Variants in UNC13B observed in about 807,000 individuals in gnomAD.
The protein encoded by UNC13B is protein unc-13 homolog B.
A neutral mutation model predicts 211.0 loss-of-function variants in UNC13B; 144 were observed. The observed-to-expected ratio is 0.68, with a 90% CI of 0.60 to 0.78. The LOEUF (loss-of-function observed/expected upper bound fraction) is 0.78. Among genes scored for constraint, UNC13B ranks in the 30% least tolerant of loss-of-function variants. UNC13B has a pLI of 0.00. For synonymous variants in UNC13B, 709 were observed against 725.8 expected (o/e 0.98, Z 0.37); for missense variants, 1,777 against 2,002.0 (o/e 0.89, Z 2.14).
rs866735803 is a variant in UNC13B, at chr9:35,389,848, G to A, written c.11097G>A (p.Lys3699=). Residue 3699 remains lysine (K), a splice_region_variant and synonymous_variant, in exon 25 of 40, where the codon AAG becomes AAA. Transcript: ENST00000635942. ...CTCACTGTGTCCTCTGGATCAAGAA[G>A]CAGGAGCTACCTCCAGAGGAACAAG... ...HDLYSRQYQL[K]QELPPEEQGP... 5.6e-6 allele frequency: 9 copies of A among 1,614,062 alleles called. 1 individual carries two copies. In the Middle Eastern group the frequency reaches 1.5e-3, roughly 267 times the overall value.
At chr9:35,235,368 G>GA (rs1245967787) in intron 3 of UNC13B, among the ~76,000 whole-genome samples, 3 of 152,124 alleles carry the variant, frequency 2.0e-5, no homozygotes, top group Non-Finnish European at 2.9e-5. Flanking sequence ...ACTTGCCTGT[G>GA]ACCACATGTT....
chr9:35,346,485 G>A (rs1235520953), intron 11 of UNC13B, among the ~76,000 whole-genome samples: 1 of 152,162 alleles, frequency 6.6e-6, no homozygotes, highest in African/African-American at 2.4e-5. Flanking sequence ...TGGTAGGCTG[G>A]TGGTGATGCA....
In UNC13B at chr9:35,291,233, G is replaced by A. The variant is rs563331649; in HGVS notation, c.527-4463G>A. The A allele has an allele frequency of 2.6e-5, 23 of 891,126 alleles. No individual in the cohort carries two copies. In the African/African-American group the frequency reaches 2.9e-4, roughly 11 times the overall value. The allele number at this position is 891,126 out of a possible 1,614,324, so 55.2% of individuals were successfully genotyped here. ...CCCTCTCCTCTCCTACTTAAATATC[G>A]GGAGACAATGACCTGTGGTGGAATG... On this transcript the variant is annotated intron_variant, in intron 7 of 39. Transcript: ENST00000635942.
chr9:35,240,047 G>A (rs144097081), intron 5 of UNC13B, among the ~76,000 whole-genome samples: 316 of 152,284 alleles, frequency 2.1e-3, no homozygotes, highest in Middle Eastern at 3.4e-3. Flanking sequence ...AGGAAATCTC[G>A]AGTATTGATT....
At chr9:35,399,504 G>C (rs1836140006) in intron 35 of UNC13B, 56 bp downstream of exon 35, 1 of 1,612,484 alleles carries the variant, frequency 6.2e-7, no homozygotes, top group Admixed American at 1.7e-5. Context: ...GTCATGGAGA[G>C]AGGGTGGCTG....
intron 7 of UNC13B, among the ~76,000 whole-genome samples, chr9:35,259,796 C>T (rs1442782470): frequency 7.1e-5 from 1 of 14,074 alleles, no homozygotes; most frequent in Admixed American, 8.6e-4. Flanking sequence ...TAGGGGGATG[C>T]GGGGGGGGGG....
At position 35,381,635 on chromosome 9, in the gene UNC13B, A is replaced by G. The variant is rs929866104; in HGVS notation, c.10571A>G (p.Lys3524Arg). Reference protein sequence around the residue: ...IPEARGDDAWKVYFDETAQEI... With the variant: ...IPEARGDDAWRVYFDETAQEI... The stretch of plus-strand genomic sequence containing the variant: ...GAAGCTCGAGGAGACGATGCCTGGA[A>G]GGTGTACTTTGATGAGACAGCCCAA... Residue 3524 changes from lysine to arginine, a missense_variant, in exon 20 of 40, where the codon AAG becomes AGG. Physicochemically the swap from Lys to Arg is conservative, Grantham distance 26. Coordinates refer to ENST00000635942, the MANE Select transcript of UNC13B (RefSeq NM_001371189.2). 1.2e-6 allele frequency: 2 copies of G among 1,614,212 alleles called. No individual in the cohort carries two copies. Among genetic ancestry groups the G allele is most frequent in the Non-Finnish European group, 1.7e-6 (2 of 1,180,030 alleles).
At chr9:35,263,170 G>T (rs923384948) in intron 7 of UNC13B, among the ~76,000 whole-genome samples, 22 of 152,078 alleles carry the variant, frequency 1.4e-4, no homozygotes, top group Admixed American at 7.2e-4. Context: ...AGTCATCACA[G>T]CAGACAAAGA....
chr9:35,375,910 G>A (rs1317721210), intron 14 of UNC13B, 118 bp from the exon 15 acceptor site: 7 of 953,876 alleles, frequency 7.3e-6, no homozygotes, highest in South Asian at 4.5e-5. Flanking sequence ...AACCTGGGAG[G>A]TGGAGGTTGC....
At chr9:35,286,807 G>A (rs180976922) in intron 7 of UNC13B, among the ~76,000 whole-genome samples, 2 of 152,248 alleles carry the variant, frequency 1.3e-5, no homozygotes, top group African/African-American at 4.8e-5. Flanking sequence ...ACACATCCGT[G>A]TGCTGGGAGG....
At chr9:35,238,195 T>C (rs766916040) in intron 5 of UNC13B, among the ~76,000 whole-genome samples, 3 of 152,230 alleles carry the variant, frequency 2.0e-5, no homozygotes, top group Non-Finnish European at 4.4e-5. Flanking sequence ...ATAGCACTGA[T>C]AAATAGAATA....
Position 35,250,957 on chromosome 9 carries a change from C to CTTTTTT in UNC13B, c.468+7611_468+7616dup, listed in dbSNP as rs35077779. On this transcript the variant is annotated intron_variant, in intron 6 of 39. Coordinates refer to ENST00000635942, the MANE Select transcript of UNC13B (RefSeq NM_001371189.2). Reference sequence around the variant, plus strand: ...ATGAAAAAATGTAGAGTTACTCTTCCTTTTTTTTTTTTTTTTTTTTTTTGA... The same window carrying CTTTTTT: ...ATGAAAAAATGTAGAGTTACTCTTCCTTTTTTTTTTTTTTTTTTTTTTTTTTTTTGA... Among the ~76,000 whole-genome samples, 38 of 77,076 alleles carry CTTTTTT rather than the reference C, an allele frequency of 4.9e-4. 2 individuals are homozygous for CTTTTTT. The highest frequency in any genetic ancestry group is 5.8e-4 in the African/African-American group (11 of 18,904). The allele number at this position is 77,076 out of a possible 152,430, so 50.6% of individuals were successfully genotyped here.
rs370207117 is a variant in UNC13B, at chr9:35,184,845, AAAGAAAAG to A, written c.22+22543_22+22550del. Among the ~76,000 whole-genome samples, 30 of 98,064 alleles carry A rather than the reference AAAGAAAAG, an allele frequency of 3.1e-4. 1 individual carries two copies. Among genetic ancestry groups the A allele is most frequent in the African/African-American group, 6.5e-4 (16 of 24,678 alleles). 64.3% of individuals were successfully genotyped at this position (98,064 alleles called of 152,430 possible). On this transcript the variant is annotated intron_variant, in intron 1 of 39. Coordinates refer to ENST00000635942, the MANE Select transcript of UNC13B (RefSeq NM_001371189.2). The stretch of plus-strand genomic sequence containing the variant: ...AGAGAGAGAGAGAGGAGAAAGAAAG[AAAGAAAAG>A]AAAGAAAGAAAGGGGAGAGGGAGAG...
chr9:35,295,987 T>C (rs661712), intron 8 of UNC13B, 57 bp downstream of exon 8: 1,008,840 of 1,498,890 alleles, frequency 0.67, 341,267 homozygotes, highest in Middle Eastern at 0.73. Flanking sequence ...CATGATGCAA[T>C]TGGCAAGAAG....
chr9:35,201,248 T>C (rs188478361), intron 1 of UNC13B, among the ~76,000 whole-genome samples: 7 of 152,344 alleles, frequency 4.6e-5, no homozygotes, highest in African/African-American at 1.4e-4. Context: ...CAGTATTTTA[T>C]TGAGGATTTT....
intron 1 of UNC13B, among the ~76,000 whole-genome samples, chr9:35,181,741 G>A (rs1320007333): frequency 1.3e-5 from 2 of 152,168 alleles, no homozygotes; most frequent in African/African-American, 4.8e-5. Flanking sequence ...GGAGGCTGAG[G>A]CAGTAGAATT....
rs745830721 is a variant in UNC13B at position 35,399,681 on chromosome 9, C to A, written c.12288C>A (p.Leu4096=). The A allele has an allele frequency of 6.2e-7, 1 of 1,614,118 alleles. No individual in the cohort carries two copies. Among genetic ancestry groups the A allele is most frequent in the Non-Finnish European group, 8.5e-7 (1 of 1,180,018 alleles). Reference sequence around the variant, plus strand: ...TGGTACGAGAGGAAACACGGAATCTCACTCCAAAGCAGTGTGCAGTCCTTG... The same window carrying A: ...TGGTACGAGAGGAAACACGGAATCTAACTCCAAAGCAGTGTGCAGTCCTTG... ...DHMVREETRN[L]TPKQCAVLDL... is the part of the protein sequence containing the mutation. The change falls in exon 36 of 40, where the codon CTC becomes CTA. Residue 4096 remains leucine (L), a synonymous_variant. Coordinates refer to ENST00000635942, the MANE Select transcript of UNC13B (RefSeq NM_001371189.2).
At chr9:35,259,233 G>T (rs566659734) in intron 7 of UNC13B, among the ~76,000 whole-genome samples, 183 bp downstream of exon 7, 3 of 152,086 alleles carry the variant, frequency 2.0e-5, no homozygotes, top group African/African-American at 7.2e-5. Flanking sequence ...TTAGGGAGAC[G>T]TTTTTCGGTT....
intron 7 of UNC13B, among the ~76,000 whole-genome samples, chr9:35,282,909 C>T (rs535344937): frequency 2.6e-5 from 4 of 152,146 alleles, no homozygotes; most frequent in Middle Eastern, 3.2e-3. Context: ...TAGCTTAACA[C>T]ACTCTTCTGT....
Sources: gnomAD v4.1 joint callset for allele counts (sites outside exome capture counted in the v4.1 genomes callset) on GRCh38, gnomAD v4.1.1 for gene constraint, MANE v1.5 for transcripts, NCBI Gene and HGNC (gene_info 2026-07-23, HGNC 2026-07-21) for gene names.